Variants in RPTOR observed in about 807,000 individuals in gnomAD.
RPTOR encodes the protein regulatory-associated protein of mTOR.
RPTOR carries 21 observed loss-of-function variants against 169.9 expected under a neutral mutation model. The observed-to-expected ratio is 0.12, with a 90% CI of 0.09 to 0.18. RPTOR has a LOEUF of 0.18. RPTOR is among the 10% of genes least tolerant of loss of function. The pLI is 1.00. For missense variants in RPTOR, 1,133 were observed against 1,855.9 expected, an observed-to-expected ratio of 0.61 and a Z score of 7.16; for synonymous variants, 732 against 753.2, an observed-to-expected ratio of 0.97 and a Z score of 0.46.
chr17:80,880,709 A>G (rs1237768072), intron 14 of RPTOR, among the ~76,000 whole-genome samples: 1 of 152,254 alleles, frequency 6.6e-6, no homozygotes, highest in African/African-American at 2.4e-5. Flanking sequence ...TCTCTAAACA[A>G]GAGCTCAGTT....
intron 3 of RPTOR, among the ~76,000 whole-genome samples, chr17:80,648,330 G>A (rs773357998): frequency 6.6e-5 from 10 of 152,114 alleles, no homozygotes; most frequent in Admixed American, 1.3e-4. Context: ...TTGGATTTTA[G>A]GCACAAGTGT....
At chr17:80,756,309 A>T (rs1175828245) in intron 6 of RPTOR, among the ~76,000 whole-genome samples, 1 of 152,076 alleles carries the variant, frequency 6.6e-6, no homozygotes, top group East Asian at 1.9e-4. Context: ...TTGACCTTGG[A>T]CCTCCCAGTC....
At chr17:80,862,241 T>A (rs918478486) in intron 13 of RPTOR, among the ~76,000 whole-genome samples, 1 of 152,162 alleles carries the variant, frequency 6.6e-6, no homozygotes, top group African/African-American at 2.4e-5. Flanking sequence ...ACCAGCTTGT[T>A]GCACCTGCAT....
At chr17:80,849,141 C>G (rs1364295650) in intron 11 of RPTOR, among the ~76,000 whole-genome samples, 2 of 152,246 alleles carry the variant, frequency 1.3e-5, no homozygotes, top group African/African-American at 4.8e-5. Flanking sequence ...CGGCTCACTT[C>G]CCCGCGCTTT....
chr17:80,809,708 A>C (rs1241530924), intron 7 of RPTOR, among the ~76,000 whole-genome samples: 1 of 152,132 alleles, frequency 6.6e-6, no homozygotes, highest in Non-Finnish European at 1.5e-5. Flanking sequence ...TACATTGTGA[A>C]CATTTTTGCT....
chr17:80,623,681 G>A (rs1478559691), intron 1 of RPTOR, among the ~76,000 whole-genome samples: 1 of 151,872 alleles, frequency 6.6e-6, no homozygotes, highest in African/African-American at 2.4e-5. Flanking sequence ...GATTACAGGT[G>A]CACACCACCA....
Position 80,577,323 on chromosome 17 carries a change from C to T in RPTOR, c.162+31532C>T, listed in dbSNP as rs144148559. 2.3e-4 allele frequency among the ~76,000 whole-genome samples: 35 copies of T among 152,320 alleles called. 1 individual carries two copies. The East Asian group carries it at 6.6e-3, about 29-fold the overall frequency. The stretch of plus-strand genomic sequence containing the variant: ...GTGATTATAGGCATGAGCCACCACA[C>T]CCGGCCTCAGTTGTCATTCTTGAAA... On this transcript the variant is annotated intron_variant, in intron 1 of 33. Transcript: ENST00000306801.
chr17:80,753,907 G>A, intron 5 of RPTOR, 103 bp from the exon 6 acceptor site: 1 of 1,087,284 alleles, frequency 9.2e-7, no homozygotes, highest in African/African-American at 1.6e-5. Context: ...CTCACAGCCT[G>A]AGTTGATTTA....
rs181909860 is a variant in RPTOR, at chr17:80,730,589, A to T, written c.537A>T (p.Ile179=). 6.2e-7 allele frequency: 1 copy of T among 1,614,142 alleles called. No individual in the cohort carries two copies. Among genetic ancestry groups the T allele is most frequent in the African/African-American group, 1.3e-5 (1 of 75,038 alleles). The part of the protein sequence containing the change: ...KNYTQYIPLS[I]YDLQTWMGSP... The stretch of plus-strand genomic sequence containing the variant: ...ACACGCAGTACATCCCTCTGTCCAT[A>T]TATGACCTGCAGACGTGGATGGGCA... The change falls in exon 5 of 34, where the codon ATA becomes ATT. Residue 179 remains isoleucine (I), a synonymous_variant. Coordinates refer to ENST00000306801, the MANE Select transcript of RPTOR (RefSeq NM_020761.3). The surrounding 1 kb of genome is among the most constrained non-coding windows in gnomAD (Gnocchi z 4.2).
At chr17:80,852,726 C>G (rs760887193) in intron 11 of RPTOR, among the ~76,000 whole-genome samples, 30 of 152,058 alleles carry the variant, frequency 2.0e-4, no homozygotes, top group Non-Finnish European at 1.3e-4. Flanking sequence ...CCCCCTCATC[C>G]TCCTGCCAGT....
At chr17:80,808,626 C>G (rs942826502) in intron 7 of RPTOR, among the ~76,000 whole-genome samples, 1 of 152,176 alleles carries the variant, frequency 6.6e-6, no homozygotes. Flanking sequence ...GGAGCCACAC[C>G]ACAGTCAGCG....
At chr17:80,627,479 C>T (rs867521753) in intron 2 of RPTOR, among the ~76,000 whole-genome samples, 1 of 152,244 alleles carries the variant, frequency 6.6e-6, no homozygotes, top group Non-Finnish European at 1.5e-5. Flanking sequence ...AATCGATCCC[C>T]TCTCATTTCT....
chr17:80,841,069 A>G (rs375445029), intron 10 of RPTOR, among the ~76,000 whole-genome samples: 9 of 24,458 alleles, frequency 3.7e-4, no homozygotes, highest in East Asian at 1.2e-3. Context: ...CACATTCACC[A>G]CACGGCAACT....
At chr17:80,653,238 C>G (rs1162220926) in intron 3 of RPTOR, among the ~76,000 whole-genome samples, 2 of 152,138 alleles carry the variant, frequency 1.3e-5, no homozygotes, top group African/African-American at 4.8e-5. Context: ...GAGCCTTTGT[C>G]TTGATAGATT....
chr17:80,550,721 G>A (rs1010824760), intron 1 of RPTOR, among the ~76,000 whole-genome samples: 4 of 151,944 alleles, frequency 2.6e-5, no homozygotes, highest in African/African-American at 9.7e-5. Context: ...ACCCATCAGC[G>A]TTACTTCCAA....
At chr17:80,781,036 G>T (rs983326355) in intron 6 of RPTOR, among the ~76,000 whole-genome samples, 5 of 152,122 alleles carry the variant, frequency 3.3e-5, no homozygotes, top group Non-Finnish European at 7.3e-5. Context: ...TAGCCAGCAG[G>T]GTAGCTGGGG....
At chr17:80,813,047 G>A (rs2067289000) in intron 7 of RPTOR, among the ~76,000 whole-genome samples, 1 of 152,234 alleles carries the variant, frequency 6.6e-6, no homozygotes, top group Admixed American at 6.5e-5. Context: ...CCAGCTGACA[G>A]AGAGGCCGCT....
At chr17:80,738,056 A>G (rs1181293645) in intron 5 of RPTOR, among the ~76,000 whole-genome samples, 2 of 152,156 alleles carry the variant, frequency 1.3e-5, no homozygotes, top group Non-Finnish European at 2.9e-5. Context: ...TGGGCTGGCG[A>G]GCTGACTTGC....
At chr17:80,872,682 C>A (rs1277690544) in intron 13 of RPTOR, among the ~76,000 whole-genome samples, 1 of 152,364 alleles carries the variant, frequency 6.6e-6, no homozygotes, top group East Asian at 1.9e-4. Flanking sequence ...AGGGGGCTGT[C>A]TGCCCAGCCA....
Sources: gnomAD v4.1 joint callset for allele counts (sites outside exome capture counted in the v4.1 genomes callset) on GRCh38, gnomAD v4.1.1 for gene constraint, Gnocchi (gnomAD v3.1) non-coding constraint, MANE v1.5 for transcripts, NCBI Gene and HGNC (gene_info 2026-07-23, HGNC 2026-07-21) for gene names.